TUSC3: variants seen among roughly 807,000 people sequenced by gnomAD.
TUSC3 encodes tumor suppressor candidate 3.
Under a neutral mutation model 44.8 loss-of-function variants are expected in TUSC3, and 45 were observed. That is an observed-to-expected ratio of 1.00 (90% CI 0.79 to 1.29). The LOEUF (loss-of-function observed/expected upper bound fraction) is 1.29. TUSC3 is among the 50% of genes most tolerant of loss of function. The pLI is 0.00. For missense variants in TUSC3, 519 were observed against 437.9 expected (o/e 1.19, Z -1.65); for synonymous variants, 212 against 152.9 (o/e 1.39, Z -2.85).
chr8:15,657,300 A>C (rs549412023), intron 3 of TUSC3, among the ~76,000 whole-genome samples: 1 of 152,158 alleles, frequency 6.6e-6, no homozygotes, highest in South Asian at 2.1e-4. Context: ...TTTGTCTTCT[A>C]TTTTATTATA....
chr8:15,521,549 A>G (rs936407823), intron 2 of TUSC3, among the ~76,000 whole-genome samples: 2 of 152,118 alleles, frequency 1.3e-5, no homozygotes, highest in Admixed American at 6.6e-5. Flanking sequence ...TCCCCATACC[A>G]CATTGAAAGA....
At chr8:15,730,991 T>G (rs1014507824) in intron 7 of TUSC3, among the ~76,000 whole-genome samples, 1 of 152,112 alleles carries the variant, frequency 6.6e-6, no homozygotes, top group Non-Finnish European at 1.5e-5. Context: ...ACATTGATGA[T>G]CTCTGGCTAG....
intron 1 of TUSC3, among the ~76,000 whole-genome samples, chr8:15,421,668 G>A (rs944046663): frequency 6.6e-6 from 1 of 151,960 alleles, no homozygotes; most frequent in Non-Finnish European, 1.5e-5. Flanking sequence ...GGGACAGTGG[G>A]AAAAAATATA....
At chr8:15,756,113 G>A (rs1217374124) in intron 9 of TUSC3, among the ~76,000 whole-genome samples, 2 of 152,120 alleles carry the variant, frequency 1.3e-5, no homozygotes, top group Admixed American at 6.6e-5. Context: ...GAGAAGACCC[G>A]AGCTCAAGGT....
intron 1 of TUSC3, among the ~76,000 whole-genome samples, chr8:15,595,268 C>T (rs143749606): frequency 1.9e-4 from 29 of 152,160 alleles, no homozygotes; most frequent in Non-Finnish European, 3.8e-4. Context: ...CAGCACTCAG[C>T]TGAATATTCA....
At chr8:15,731,615 C>T (rs1286777256) in intron 7 of TUSC3, among the ~76,000 whole-genome samples, 3 of 152,142 alleles carry the variant, frequency 2.0e-5, no homozygotes, top group Non-Finnish European at 4.4e-5. Flanking sequence ...AATTAGAATT[C>T]AGTTGTCTTT....
intron 1 of TUSC3, among the ~76,000 whole-genome samples, chr8:15,449,337 A>C (rs1800162383): frequency 6.6e-6 from 1 of 152,212 alleles, no homozygotes; most frequent in Non-Finnish European, 1.5e-5. Flanking sequence ...CCGTGTTAGC[A>C]TGGCTCAAGC....
At chr8:15,793,162 C>T in the TUSC3 span, among the ~76,000 whole-genome samples, 142 of 152,106 alleles carry the variant, frequency 9.3e-4, no homozygotes, top group Non-Finnish European at 1.7e-3. Context: ...GTGACTTACT[C>T]TGACATATGC....
At chr8:15,519,129 T>G (rs1416238601) in intron 2 of TUSC3, among the ~76,000 whole-genome samples, 2 of 152,294 alleles carry the variant, frequency 1.3e-5, no homozygotes, top group African/African-American at 4.8e-5. Context: ...TAAGATTTAT[T>G]ACTCATTTTT....
At chr8:15,803,163 T>C in the TUSC3 span, among the ~76,000 whole-genome samples, 2 of 152,238 alleles carry the variant, frequency 1.3e-5, no homozygotes, top group Non-Finnish European at 2.9e-5. Context: ...CAGTGAGGGG[T>C]GAGTCATTTC....
At chr8:15,589,269 C>T (rs2129149671) in intron 1 of TUSC3, among the ~76,000 whole-genome samples, 1 of 152,146 alleles carries the variant, frequency 6.6e-6, no homozygotes, top group Non-Finnish European at 1.5e-5. Context: ...TCCATTTATC[C>T]AGTCTGTAAC....
At chr8:15,447,034 C>G (rs1800114492) in intron 1 of TUSC3, among the ~76,000 whole-genome samples, 2 of 151,438 alleles carry the variant, frequency 1.3e-5, no homozygotes, top group African/African-American at 4.9e-5. Flanking sequence ...AACTTCAATA[C>G]TGTTTCCCAA....
intron 1 of TUSC3, among the ~76,000 whole-genome samples, chr8:15,619,475 GA>G (rs1421668053): frequency 6.6e-6 from 1 of 151,424 alleles, no homozygotes; most frequent in African/African-American, 2.4e-5. Flanking sequence ...GATTAGTCTG[GA>G]AAGAGTTTTA....
At chr8:15,802,494 T>C in the TUSC3 span, among the ~76,000 whole-genome samples, 2 of 152,122 alleles carry the variant, frequency 1.3e-5, no homozygotes, top group Non-Finnish European at 2.9e-5. Flanking sequence ...TGATCCCAGC[T>C]CACTGCAACC....
intron 2 of TUSC3, among the ~76,000 whole-genome samples, chr8:15,504,625 T>A (rs1380609698): frequency 1.2e-3 from 77 of 66,170 alleles, no homozygotes; most frequent in African/African-American, 3.5e-3. Context: ...ATATATATTT[T>A]TTTTTTTTTT....
At chr8:15,692,512 T>C (rs543631975) in intron 6 of TUSC3, among the ~76,000 whole-genome samples, 2 of 151,790 alleles carry the variant, frequency 1.3e-5, no homozygotes, top group East Asian at 1.9e-4. Flanking sequence ...TTATTACTTA[T>C]TCAATTTCAA....
chr8:15,452,400 C>G (rs748966748), intron 1 of TUSC3, among the ~76,000 whole-genome samples: 21 of 152,186 alleles, frequency 1.4e-4, no homozygotes, highest in Non-Finnish European at 4.4e-5. Context: ...CAACTGATTA[C>G]TCACGCCTTT....
chr8:15,748,526 G>A (rs1204704929), intron 9 of TUSC3, 61 bp downstream of exon 9: 4 of 1,363,366 alleles, frequency 2.9e-6, no homozygotes, highest in African/African-American at 2.9e-5. Context: ...GAGTTTCAGT[G>A]GTTAATATAT....
intron 1 of TUSC3, among the ~76,000 whole-genome samples, chr8:15,481,049 A>C (rs1341557835): frequency 6.6e-6 from 1 of 152,092 alleles, no homozygotes; most frequent in Non-Finnish European, 1.5e-5. Context: ...GGAGTTCGAG[A>C]CCAGCCTGAC....
Sources: allele counts gnomAD v4.1 joint callset (sites outside exome capture counted in the v4.1 genomes callset), GRCh38; gene constraint gnomAD v4.1.1; transcripts MANE v1.5; gene names NCBI Gene and HGNC (gene_info 2026-07-23, HGNC 2026-07-21).